The following SELPLG variants were observed in gnomAD, a reference collection of about 807,000 sequenced individuals.
SELPLG encodes P-selectin glycoprotein ligand 1.
Under a neutral mutation model 1.1 loss-of-function variants are expected in SELPLG, and 2 were observed. The observed-to-expected ratio is 1.82, with a 90% confidence interval of 0.74 to 5.71. The LOEUF is 5.71. Ranked by LOEUF, SELPLG falls within the 30% of genes most tolerant of loss-of-function variation. SELPLG has a pLI of 0.05. For missense variants in SELPLG, 478 were observed against 524.7 expected, an observed-to-expected ratio of 0.91 and a Z score of 0.87; for synonymous variants, 230 against 221.2, an observed-to-expected ratio of 1.04 and a Z score of -0.35.
intron 1 of SELPLG, among the ~76,000 whole-genome samples, chr12:108,626,884 T>C (rs1200004712): frequency 1.3e-5 from 2 of 152,094 alleles, no homozygotes; most frequent in African/African-American, 4.8e-5. Context: ...GCAGGTGGCT[T>C]ACCTGATGTC....
At position 108,622,971 on chromosome 12, in the gene SELPLG, G is replaced by A. The variant is rs753300141; in HGVS notation, c.*98C>T. 27 of 1,281,294 alleles carry A rather than the reference G, an allele frequency of 2.1e-5. No individual in the cohort carries two copies. Among genetic ancestry groups the A allele is most frequent in the Middle Eastern group, 2.8e-4 (1 of 3,572 alleles). The allele number at this position is 1,281,294 out of a possible 1,614,324, so 79.4% of individuals were successfully genotyped here. The stretch of plus-strand genomic sequence containing the variant: ...AAGATCCCCATCCCCAGGGGTCTCC[G>A]AGGAAGCCCAGAGCTGTGGAATGGG... On this transcript the variant is annotated 3_prime_UTR_variant, in exon 2 of 2. Coordinates refer to ENST00000550948, the MANE Select transcript of SELPLG (RefSeq NM_003006.4).
At chr12:108,632,475 G>A (rs1396170118) in intron 1 of SELPLG, among the ~76,000 whole-genome samples, 3 of 151,490 alleles carry the variant, frequency 2.0e-5, no homozygotes, top group Non-Finnish European at 4.4e-5. Context: ...TTTCCTTTTA[G>A]TGTCCTGAAA....
chr12:108,622,942 C>A lies in SELPLG; in HGVS notation c.*127G>T. 9.6e-7 allele frequency: 1 copy of A among 1,043,720 alleles called. No homozygotes were observed. Among genetic ancestry groups the A allele is most frequent in the South Asian group, 2.1e-5 (1 of 48,450 alleles). 64.7% of individuals were successfully genotyped at this position (1,043,720 alleles called of 1,614,324 possible). ...CTGTTTGGGTGGCCAGAGTTCCTTC[C>A]CTGAAGATCCCCATCCCCAGGGGTC... On this transcript the variant is annotated 3_prime_UTR_variant, in exon 2 of 2. Coordinates refer to ENST00000550948, the MANE Select transcript of SELPLG (RefSeq NM_003006.4).
At chr12:108,628,363 A>ACACACACT (rs2031979584) in intron 1 of SELPLG, among the ~76,000 whole-genome samples, 1 of 147,786 alleles carries the variant, frequency 6.8e-6, no homozygotes, top group African/African-American at 2.5e-5. Flanking sequence ...ACACACACAC[A>ACACACACT]CTTTTGCCTC....
At chr12:108,631,772 A>T in intron 1 of SELPLG, 1 of 942,628 alleles carries the variant, frequency 1.1e-6, no homozygotes, top group Non-Finnish European at 1.6e-6. Flanking sequence ...ACATCTGGTT[A>T]GTTGAACAAC....
At chr12:108,631,954 C>A (rs919538750) in intron 1 of SELPLG, 2 of 1,534,810 alleles carry the variant, frequency 1.3e-6, no homozygotes, top group South Asian at 1.2e-5. Context: ...AGGGTCACCA[C>A]GAACTCCATG....
rs912111898 is a variant in SELPLG at position 108,623,325 on chromosome 12, G to A, written c.983C>T (p.Ala328Val). 24 of 1,614,130 alleles carry A rather than the reference G, an allele frequency of 1.5e-5. No homozygotes were observed. Among genetic ancestry groups the A allele is most frequent in the Middle Eastern group, 1.6e-4 (1 of 6,082 alleles). The change falls in exon 2 of 2, where the codon GCG becomes GTG. Residue 328 changes from alanine to valine, a missense_variant. Transcript: ENST00000550948. ...CACGAAGAAGATAGTGGCCACCAGC[G>A]CCAAGATTAGGATGGCCAGCAGGCA... ...KQCLLAILIL[A>V]LVATIFFVCT...
rs1401274856 is a variant in SELPLG at position 108,623,108 on chromosome 12, A to G, written c.1200T>C (p.Arg400=). ...PGLTPEPRED[R]EGDDLTLHSF... ...TGTGCAGGGTGAGGTCATCCCCCTC[A>G]CGGTCCTCCCTGGGCTCTGGCGTCA... Residue 400 remains arginine (R), a synonymous_variant, in exon 2 of 2, where the codon CGT becomes CGC. Transcript: ENST00000550948. 3 of 1,544,236 alleles carry G rather than the reference A, an allele frequency of 1.9e-6. No individual in the cohort carries two copies. Among genetic ancestry groups the G allele is most frequent in the Admixed American group, 2.1e-5 (1 of 47,148 alleles).
chr12:108,631,269 T>A (rs370635659), intron 1 of SELPLG, among the ~76,000 whole-genome samples: 1 of 152,218 alleles, frequency 6.6e-6, no homozygotes, highest in African/African-American at 2.4e-5. Flanking sequence ...TTTATTTATT[T>A]ATTTAATTTT....
In SELPLG at chr12:108,623,564, G is replaced by A. The variant is rs749847503; in HGVS notation, c.744C>T (p.Ala248=). The change falls in exon 2 of 2, where the codon GCC becomes GCT. Residue 248 remains alanine, a synonymous_variant. Transcript: ENST00000550948. ...ATEAQTTQPT[A]TEAQTTPLAA... ...CCAGTGGAGTGGTCTGTGCCTCCGT[G>A]GCTGTGGGTTGAGTGGTCTGTGCCT... The A allele has an allele frequency of 6.2e-7, 1 of 1,613,916 alleles. No homozygotes were observed. Among genetic ancestry groups the A allele is most frequent in the Admixed American group, 1.7e-5 (1 of 59,996 alleles).
rs569364361 is a variant in SELPLG, at chr12:108,630,369, T to G, written c.-6+3371A>C. On this transcript the variant is annotated intron_variant, in intron 1 of 1. Transcript: ENST00000550948. ...AGATCCTCGTGGGGCTCCACGCCGC[T>G]AGGAACCTTGCACTGAGAATCCTGA... 2.7e-4 allele frequency among the ~76,000 whole-genome samples: 41 copies of G among 152,318 alleles called. 1 individual carries two copies. The South Asian group carries it at 8.5e-3, about 32-fold the overall frequency.
intron 1 of SELPLG, among the ~76,000 whole-genome samples, chr12:108,626,852 C>T (rs1257032559): frequency 1.3e-5 from 2 of 152,146 alleles, no homozygotes; most frequent in African/African-American, 4.8e-5. Flanking sequence ...CGCCTGTAAT[C>T]CCAACTGTTT....
At chr12:108,628,421 T>C (rs747627616) in intron 1 of SELPLG, among the ~76,000 whole-genome samples, 15 of 152,042 alleles carry the variant, frequency 9.9e-5, no homozygotes, top group Non-Finnish European at 1.9e-4. Context: ...AGAGTTCTTA[T>C]CTGGGGGAAG....
intron 1 of SELPLG, among the ~76,000 whole-genome samples, chr12:108,625,314 ATGTCT>A: frequency 6.6e-6 from 1 of 151,986 alleles, no homozygotes; most frequent in Non-Finnish European, 1.5e-5. Context: ...TTCCTTCTCA[ATGTCT>A]TGTCTTGGTC....
At chr12:108,629,226 C>G (rs1319736005) in intron 1 of SELPLG, among the ~76,000 whole-genome samples, 2 of 152,210 alleles carry the variant, frequency 1.3e-5, no homozygotes, top group South Asian at 4.1e-4. Flanking sequence ...AAGCAACCAC[C>G]TTATCCTACA....
intron 1 of SELPLG, among the ~76,000 whole-genome samples, chr12:108,624,783 G>A (rs1245448143): frequency 6.6e-6 from 1 of 150,434 alleles, no homozygotes; most frequent in African/African-American, 2.5e-5. Flanking sequence ...TCCACCTCCC[G>A]GGTTCAAGTG....
At chr12:108,625,550 G>A (rs2136763630) in intron 1 of SELPLG, among the ~76,000 whole-genome samples, 1 of 152,254 alleles carries the variant, frequency 6.6e-6, no homozygotes, top group East Asian at 1.9e-4. Context: ...CACTCTCCAT[G>A]GCCAGGAGAA....
chr12:108,633,541 A>G (rs1403828550), intron 1 of SELPLG, among the ~76,000 whole-genome samples, 199 bp downstream of exon 1: 1 of 152,182 alleles, frequency 6.6e-6, no homozygotes, highest in Non-Finnish European at 1.5e-5. Flanking sequence ...AGCAGGATTC[A>G]GAAGAGTCAC....
chr12:108,631,513 T>C (rs927687023), intron 1 of SELPLG, among the ~76,000 whole-genome samples: 1 of 152,188 alleles, frequency 6.6e-6, no homozygotes, highest in African/African-American at 2.4e-5. Flanking sequence ...CCTCCCAAAG[T>C]GCTGGGATTT....
Sources: allele counts gnomAD v4.1 joint callset (sites outside exome capture counted in the v4.1 genomes callset), GRCh38; gene constraint gnomAD v4.1.1; transcripts MANE v1.5; gene names NCBI Gene and HGNC (gene_info 2026-07-23, HGNC 2026-07-21).